Variants in BMPR1B observed in about 807,000 individuals in gnomAD.
The protein encoded by BMPR1B is bone morphogenetic protein receptor type-1B.
In BMPR1B, 12 loss-of-function variants were observed where a neutral mutation model predicts 59.1. The observed-to-expected ratio is 0.20, with a 90% CI of 0.13 to 0.33. The LOEUF (loss-of-function observed/expected upper bound fraction) is 0.33. BMPR1B is among the 10% of genes least tolerant of loss of function. The pLI is 1.00. For missense variants in BMPR1B, 550 were observed against 610.9 expected (o/e 0.90, Z 1.05); for synonymous variants, 237 against 207.3 (o/e 1.14, Z -1.23).
intron 3 of BMPR1B, among the ~76,000 whole-genome samples, chr4:95,102,999 G>A (rs972814681): frequency 6.6e-6 from 1 of 151,940 alleles, no homozygotes; most frequent in African/African-American, 2.4e-5. Context: ...TGCCACAGGT[G>A]CCCACTGCAA....
chr4:94,884,194 C>T (rs739731), intron 2 of BMPR1B, among the ~76,000 whole-genome samples: 2,051 of 152,214 alleles, frequency 0.013, 38 homozygotes, highest in African/African-American at 0.042. Context: ...TTGGAGTAAA[C>T]GTCTTAACTA....
intron 2 of BMPR1B, among the ~76,000 whole-genome samples, chr4:94,887,417 A>AC (rs1304660600): frequency 2.0e-5 from 3 of 149,600 alleles, no homozygotes; most frequent in African/African-American, 2.4e-5. Flanking sequence ...AAAAAAAAAA[A>AC]AAAAAACAAG....
chr4:94,769,384 G>T (rs1378109966), intron 1 of BMPR1B, among the ~76,000 whole-genome samples: 1 of 152,216 alleles, frequency 6.6e-6, no homozygotes, highest in East Asian at 1.9e-4. Context: ...GCCGAGGTGG[G>T]TGGATCACTT....
chr4:94,846,425 G>T (rs1725332513), intron 1 of BMPR1B, among the ~76,000 whole-genome samples: 1 of 152,128 alleles, frequency 6.6e-6, no homozygotes, highest in Non-Finnish European at 1.5e-5. Flanking sequence ...GGCTGGGAAA[G>T]GCAGACCCAC....
In BMPR1B at chr4:94,859,549, G is replaced by A. The variant is rs1725897064; in HGVS notation, c.-182-16282G>A. Reference sequence around the variant, plus strand: ...TTATTTCAGAAGATCTTGTGCATATGTATTTTTAGAATAAAGATAGAAAGC... The same window carrying A: ...TTATTTCAGAAGATCTTGTGCATATATATTTTTAGAATAAAGATAGAAAGC... On this transcript the variant is annotated intron_variant, in intron 1 of 12. Transcript: ENST00000515059. 2.6e-5 allele frequency among the ~76,000 whole-genome samples: 4 copies of A among 152,254 alleles called. No individual in the cohort carries two copies. In the South Asian group the frequency reaches 8.3e-4, roughly 32 times the overall value.
At chr4:94,863,891 A>G (rs1366566733) in intron 1 of BMPR1B, among the ~76,000 whole-genome samples, 1 of 152,228 alleles carries the variant, frequency 6.6e-6, no homozygotes, top group Non-Finnish European at 1.5e-5. Context: ...TAGATATTTT[A>G]TACTTGCCTG....
At chr4:94,763,492 G>A (rs112716121) in intron 1 of BMPR1B, among the ~76,000 whole-genome samples, 11 of 152,064 alleles carry the variant, frequency 7.2e-5, no homozygotes, top group Non-Finnish European at 1.0e-4. Flanking sequence ...TGCATGTGGC[G>A]TCAGCTTTGG....
chr4:95,138,831 GCTT>G (rs750114664), intron 10 of BMPR1B, among the ~76,000 whole-genome samples: 17 of 152,030 alleles, frequency 1.1e-4, no homozygotes, highest in Non-Finnish European at 2.2e-4. Context: ...AAGGTTTTTA[GCTT>G]CTTTGCAATG....
At chr4:94,875,154 G>A (rs1221181344) in intron 1 of BMPR1B, among the ~76,000 whole-genome samples, 1 of 152,038 alleles carries the variant, frequency 6.6e-6, no homozygotes, top group East Asian at 1.9e-4. Context: ...CTATTATATG[G>A]AATATTATAT....
intron 1 of BMPR1B, among the ~76,000 whole-genome samples, chr4:94,810,092 G>A (rs1723755332): frequency 1.3e-5 from 2 of 152,200 alleles, no homozygotes; most frequent in Non-Finnish European, 2.9e-5. Flanking sequence ...CTCTCAAGGA[G>A]CAAGGAGAGA....
intron 4 of BMPR1B, among the ~76,000 whole-genome samples, chr4:95,109,250 G>C (rs1405071068): frequency 6.6e-6 from 1 of 152,056 alleles, no homozygotes; most frequent in Non-Finnish European, 1.5e-5. Flanking sequence ...CAGTTTTCAG[G>C]GTTTACAGAT....
At chr4:94,953,772 C>T (rs1210732747) in intron 2 of BMPR1B, among the ~76,000 whole-genome samples, 1 of 151,964 alleles carries the variant, frequency 6.6e-6, no homozygotes, top group Non-Finnish European at 1.5e-5. Flanking sequence ...CTGTGGTGTT[C>T]TCTGTATTTC....
chr4:94,774,898 T>G (rs1285202705), intron 1 of BMPR1B, among the ~76,000 whole-genome samples: 1 of 152,180 alleles, frequency 6.6e-6, no homozygotes, highest in Non-Finnish European at 1.5e-5. Flanking sequence ...GTTCTGATCT[T>G]TATTTTTTCA....
intron 1 of BMPR1B, among the ~76,000 whole-genome samples, chr4:94,825,668 G>A (rs1217743670): frequency 6.6e-6 from 1 of 152,116 alleles, no homozygotes; most frequent in Non-Finnish European, 1.5e-5. Context: ...ATGGGTGACA[G>A]TGCCTGGTTG....
At chr4:95,069,083 C>G (rs1021765054) in intron 3 of BMPR1B, among the ~76,000 whole-genome samples, 1 of 152,188 alleles carries the variant, frequency 6.6e-6, no homozygotes, top group African/African-American at 2.4e-5. Context: ...ACTTGCTACA[C>G]ATTGTTTTGC....
chr4:94,918,187 T>C (rs1182895680), intron 2 of BMPR1B, among the ~76,000 whole-genome samples: 1 of 152,154 alleles, frequency 6.6e-6, no homozygotes, highest in Non-Finnish European at 1.5e-5. Flanking sequence ...ACAAGTTTTT[T>C]TTCAATTAAA....
intron 3 of BMPR1B, chr4:95,091,422 A>G (rs867051763): frequency 1.6e-5 from 16 of 970,448 alleles, no homozygotes; most frequent in Middle Eastern, 1.0e-3. Flanking sequence ...CAAAGGGACT[A>G]CTGAGAAAAA....
intron 10 of BMPR1B, among the ~76,000 whole-genome samples, chr4:95,136,032 G>A (rs1018570344): frequency 1.2e-4 from 18 of 152,162 alleles, no homozygotes; most frequent in South Asian, 4.2e-4. Context: ...TTTGAGATAC[G>A]TCCCATCAAT....
At chr4:94,978,282 G>A (rs1731105021) in intron 2 of BMPR1B, among the ~76,000 whole-genome samples, 1 of 152,188 alleles carries the variant, frequency 6.6e-6, no homozygotes, top group South Asian at 2.1e-4. Context: ...TAAGGTTTCT[G>A]TGGGCCAGGA....
Sources: gnomAD v4.1 joint callset for allele counts (sites outside exome capture counted in the v4.1 genomes callset) on GRCh38, gnomAD v4.1.1 for gene constraint, MANE v1.5 for transcripts, NCBI Gene and HGNC (gene_info 2026-07-23, HGNC 2026-07-21) for gene names.